The following RIMS1 variants were observed in gnomAD, a reference collection of about 807,000 sequenced individuals.
The protein encoded by RIMS1 is regulating synaptic membrane exocytosis 1.
A neutral mutation model predicts 214.1 loss-of-function variants in RIMS1; 83 were observed. That is an observed-to-expected ratio of 0.39 (90% CI 0.32 to 0.47). The LOEUF is 0.47. RIMS1 is among the 20% of genes least tolerant of loss of function. The probability of loss-of-function intolerance (pLI) is 0.99; values close to 1 mark genes in which losing one functional copy is unlikely to be tolerated. For synonymous variants in RIMS1, 793 were observed against 786.8 expected, an observed-to-expected ratio of 1.01 and a Z score of -0.13; for missense variants, 2,050 against 2,161.8, an observed-to-expected ratio of 0.95 and a Z score of 1.03.
intron 2 of RIMS1, among the ~76,000 whole-genome samples, chr6:72,008,670 A>C (rs374974675): frequency 1.3e-5 from 2 of 152,226 alleles, no homozygotes; most frequent in African/African-American, 4.8e-5. Context: ...CAGGGGTTGC[A>C]ATCCTAGCCT....
intron 4 of RIMS1, among the ~76,000 whole-genome samples, chr6:72,174,057 A>G (rs1048380476): frequency 2.0e-5 from 3 of 152,020 alleles, no homozygotes; most frequent in African/African-American, 7.2e-5. Context: ...AGTATCTGCC[A>G]TCTAACCTAG....
At chr6:72,390,061 T>C (rs1216210449) in intron 29 of RIMS1, among the ~76,000 whole-genome samples, 1 of 152,198 alleles carries the variant, frequency 6.6e-6, no homozygotes, top group Non-Finnish European at 1.5e-5. Context: ...AAATATTATA[T>C]AGTGTATGTT....
At chr6:72,050,944 A>G (rs1360432047) in intron 2 of RIMS1, among the ~76,000 whole-genome samples, 1 of 152,136 alleles carries the variant, frequency 6.6e-6, no homozygotes, top group Non-Finnish European at 1.5e-5. Context: ...CAATGACATC[A>G]GATATACCTT....
intron 16 of RIMS1, among the ~76,000 whole-genome samples, chr6:72,254,513 G>A (rs1389003361): frequency 6.6e-6 from 1 of 152,090 alleles, no homozygotes; most frequent in East Asian, 1.9e-4. Context: ...CCTCTAACAG[G>A]AATCTTAACT....
In RIMS1 at chr6:72,032,618, T is replaced by G. The variant is rs1313774037; in HGVS notation, c.245+63555T>G. ...TTCAATCAGATTTCACCCCCACTCC[T>G]TAAGAAGAAATGTAGAATTTTAAAA... is the stretch of plus-strand genomic sequence containing the variant. On this transcript the variant is annotated intron_variant, in intron 2 of 33. Transcript: ENST00000521978. 4.6e-5 allele frequency among the ~76,000 whole-genome samples: 7 copies of G among 152,126 alleles called. No individual in the cohort carries two copies. The East Asian group carries it at 1.3e-3, about 29-fold the overall frequency.
intron 31 of RIMS1, among the ~76,000 whole-genome samples, chr6:72,394,041 AAG>A (rs1491466295): frequency 6.6e-6 from 1 of 151,940 alleles, no homozygotes; most frequent in Non-Finnish European, 1.5e-5. Context: ...AAAAAAAAAA[AAG>A]ATGGAACCAA....
chr6:72,278,585 A>C (rs1257813498), intron 23 of RIMS1, among the ~76,000 whole-genome samples: 2 of 152,152 alleles, frequency 1.3e-5, no homozygotes, highest in Non-Finnish European at 2.9e-5. Context: ...ACCACTTATA[A>C]ATAAATACAG....
intron 2 of RIMS1, among the ~76,000 whole-genome samples, chr6:72,002,490 C>CA (rs967018920): frequency 2.6e-5 from 4 of 152,072 alleles, no homozygotes; most frequent in African/African-American, 9.7e-5. Flanking sequence ...CTGGAGAGAA[C>CA]AAAAGACCAA....
intron 4 of RIMS1, among the ~76,000 whole-genome samples, chr6:72,167,162 A>C (rs2046379201): frequency 6.6e-6 from 1 of 151,718 alleles, no homozygotes; most frequent in Admixed American, 6.6e-5. Flanking sequence ...TTTTGTCAAT[A>C]CTTTTTCTTA....
chr6:72,247,660 G>A (rs1563034167), intron 11 of RIMS1, among the ~76,000 whole-genome samples: 1 of 151,892 alleles, frequency 6.6e-6, no homozygotes, highest in Non-Finnish European at 1.5e-5. Flanking sequence ...TTCTCAGTAA[G>A]GACAGTTTAT....
At chr6:72,180,237 G>T (rs2048226312) in intron 5 of RIMS1, among the ~76,000 whole-genome samples, 1 of 152,208 alleles carries the variant, frequency 6.6e-6, no homozygotes, top group Non-Finnish European at 1.5e-5. Flanking sequence ...TTAATTAAAA[G>T]TGTGCTCTGA....
intron 29 of RIMS1, among the ~76,000 whole-genome samples, chr6:72,346,585 C>T (rs1342387560): frequency 2.0e-5 from 3 of 151,676 alleles, no homozygotes; most frequent in Non-Finnish European, 3.0e-5. Flanking sequence ...TTCTTTTTGC[C>T]AGTTCCCTCC....
At position 72,312,791 on chromosome 6, in the gene RIMS1, A is replaced by G. The variant is rs1422637208; in HGVS notation, c.3964-715A>G. On this transcript the variant is annotated intron_variant, in intron 27 of 33. Transcript: ENST00000521978. ...AAGTTATATATTTTTAAGAAATGTT[A>G]GAGACACTATAATGTCTTAGAAAGT... 3.9e-5 allele frequency among the ~76,000 whole-genome samples: 6 copies of G among 152,296 alleles called. No homozygotes were observed. In the East Asian group the frequency reaches 1.2e-3, roughly 29 times the overall value.
chr6:72,247,102 A>T (rs961666792), intron 11 of RIMS1, among the ~76,000 whole-genome samples: 1 of 152,220 alleles, frequency 6.6e-6, no homozygotes, highest in South Asian at 2.1e-4. Context: ...CTGGATCAAT[A>T]GCCTTCTATA....
intron 1 of RIMS1, among the ~76,000 whole-genome samples, chr6:71,895,103 C>G (rs1771251045): frequency 1.3e-5 from 2 of 152,094 alleles, no homozygotes; most frequent in South Asian, 4.1e-4. Context: ...TTAATGGACT[C>G]TCATGCATAA....
intron 6 of RIMS1, among the ~76,000 whole-genome samples, chr6:72,192,228 G>A (rs2050184008): frequency 6.6e-6 from 1 of 152,218 alleles, no homozygotes; most frequent in African/African-American, 2.4e-5. Flanking sequence ...GGACCACAGT[G>A]ACATGCTGTG....
chr6:72,080,253 G>A (rs567957188), intron 2 of RIMS1, among the ~76,000 whole-genome samples: 9 of 152,034 alleles, frequency 5.9e-5, no homozygotes, highest in East Asian at 5.8e-4. Context: ...AACACAGCGC[G>A]ACTCCATCTC....
chr6:72,155,786 C>T (rs1177426974), intron 4 of RIMS1, among the ~76,000 whole-genome samples: 1 of 140,394 alleles, frequency 7.1e-6, no homozygotes, highest in African/African-American at 2.5e-5. Flanking sequence ...CCTCCCATGA[C>T]ATGTGGGAAT....
intron 2 of RIMS1, among the ~76,000 whole-genome samples, chr6:72,003,052 G>T (rs547470260): frequency 1.3e-5 from 2 of 152,088 alleles, no homozygotes; most frequent in Non-Finnish European, 2.9e-5. Context: ...CAGCTTACAG[G>T]GTGGCCAGAT....
Sources: gnomAD v4.1 joint callset for allele counts (sites outside exome capture counted in the v4.1 genomes callset) on GRCh38, gnomAD v4.1.1 for gene constraint, MANE v1.5 for transcripts, NCBI Gene and HGNC (gene_info 2026-07-23, HGNC 2026-07-21) for gene names.